Variants in XPC observed in about 807,000 individuals in gnomAD.
The protein encoded by XPC is DNA repair protein complementing XP-C cells.
A neutral mutation model predicts 95.8 loss-of-function variants in XPC; 76 were observed. The observed-to-expected ratio is 0.79, with a 90% CI of 0.66 to 0.96. XPC has a LOEUF of 0.96. Ranked by LOEUF, XPC falls within the 40% of genes least tolerant of loss-of-function variation. XPC has a pLI of 0.00. For missense variants in XPC, 1,146 were observed against 1,179.8 expected (o/e 0.97, Z 0.42); for synonymous variants, 442 against 442.1 (o/e 1.00, Z 0.00).
Position 14,178,551 on chromosome 3 carries a change from C to T in XPC, c.18G>A (p.Ala6=), listed in dbSNP as rs1696941415. The T allele has an allele frequency of 6.2e-7, 1 of 1,613,074 alleles. No individual in the cohort carries two copies. Among genetic ancestry groups the T allele is most frequent in the Admixed American group, 1.7e-5 (1 of 59,998 alleles). ...CGCGTCCCCGCGGCTCCCCGCCGGC[C>T]GCGCGTTTCCGAGCCATGTTGCTTG... MARKR[A]AGGEPRGREL... Residue 6 remains alanine, a synonymous_variant, in exon 1 of 16, where the codon GCG becomes GCA. Coordinates refer to ENST00000285021, the MANE Select transcript of XPC (RefSeq NM_004628.5).
rs1480882372 is a variant in XPC, at chr3:14,145,746, T to G, written c.*195A>C. On this transcript the variant is annotated 3_prime_UTR_variant, in exon 16 of 16. Coordinates refer to ENST00000285021, the MANE Select transcript of XPC (RefSeq NM_004628.5). ...CACCCTGGGTGAATCTGACAAGGGC[T>G]GGAGCCAGACGGGACCTGCAGCACC... The G allele has an allele frequency of 2.7e-6, 2 of 734,296 alleles. No homozygotes were observed. The highest frequency in any genetic ancestry group is 4.8e-6 in the Non-Finnish European group (2 of 416,410). The allele number at this position is 734,296 out of a possible 1,614,324, so 45.5% of individuals were successfully genotyped here.
rs766563263 is a variant in XPC, at chr3:14,172,886, T to C, written c.280A>G (p.Ser94Gly). 4 of 1,613,914 alleles carry C rather than the reference T, an allele frequency of 2.5e-6. No homozygotes were observed. Among genetic ancestry groups the C allele is most frequent in the Non-Finnish European group, 3.4e-6 (4 of 1,179,820 alleles). The change falls in exon 2 of 16, where the codon AGC (serine) becomes GGC (glycine). Residue 94 changes from serine to glycine, a missense_variant. Ser to Gly is a moderately conservative substitution (Grantham distance 56, BLOSUM62 0). Transcript: ENST00000285021. The stretch of plus-strand genomic sequence containing the variant: ...TCTCACCTGAGGTCATCCCCATCGC[T>C]GAGGGCTTCATCCTTTATAACCTTG... Reference protein sequence around the residue: ...NLKVIKDEALSDGDDLRDFPS... With the variant: ...NLKVIKDEALGDGDDLRDFPS...
chr3:14,158,276 C>T lies in XPC; in HGVS notation c.1607G>A (p.Cys536Tyr), dbSNP rs752818533. The change falls in exon 9 of 16, where the codon TGT becomes TAT. Residue 536 changes from cysteine (C) to tyrosine (Y), a missense_variant. Coordinates refer to ENST00000285021, the MANE Select transcript of XPC (RefSeq NM_004628.5). This position sits in a 1 kb window ranked among gnomAD's most constrained non-coding sequence, Gnocchi z 5.2. ...ACATACCCACTTTTCCTCCTGCTCA[C>T]AGAACACCTCTAGCCACTGGTCTAT... ...AGIDQWLEVFCEQEEKWVCVD... is the reference protein window; with the variant it reads ...AGIDQWLEVFYEQEEKWVCVD... The T allele has an allele frequency of 3.1e-6, 5 of 1,614,048 alleles. No individual in the cohort carries two copies. The Admixed American group carries it at 6.7e-5, about 22-fold the overall frequency.
chr3:14,157,555 T>C (rs1695967881), intron 9 of XPC, among the ~76,000 whole-genome samples: 2 of 152,112 alleles, frequency 1.3e-5, no homozygotes, highest in Admixed American at 6.5e-5. Flanking sequence ...CGAGACAGTA[T>C]CATGTCTGTC....
chr3:14,162,566 C>G (rs1015596687), intron 7 of XPC, among the ~76,000 whole-genome samples: 2 of 152,136 alleles, frequency 1.3e-5, no homozygotes, highest in African/African-American at 4.8e-5. Flanking sequence ...AATGCTGGGA[C>G]AAATGGATAT....
chr3:14,151,218 CAGA>C (rs1175415562), intron 11 of XPC: 3 of 152,162 alleles, frequency 2.0e-5, no homozygotes, highest in South Asian at 4.1e-4. Context: ...GTCAAATACA[CAGA>C]AGATTAGAGA....
chr3:14,146,173 A>C lies in XPC; in HGVS notation c.2605-14T>G. 6.3e-7 allele frequency: 1 copy of C among 1,597,354 alleles called. No individual in the cohort carries two copies. The highest frequency in any genetic ancestry group is 1.3e-5 in the African/African-American group (1 of 74,596). On this transcript the variant is annotated splice_polypyrimidine_tract_variant and intron_variant, in intron 15 of 15. Coordinates refer to ENST00000285021, the MANE Select transcript of XPC (RefSeq NM_004628.5). ...TGCTGCCTCACTCTGGACAGGTGGC[A>C]GTGGTGGGAGGACACAGGCGAGGGT...
intron 7 of XPC, among the ~76,000 whole-genome samples, chr3:14,163,377 T>G (rs1470739945): frequency 6.6e-6 from 1 of 152,120 alleles, no homozygotes; most frequent in Non-Finnish European, 1.5e-5. Context: ...GATAAATGGA[T>G]AGAGAAAATG....
At chr3:14,153,666 G>A (rs1406661093) in intron 10 of XPC, among the ~76,000 whole-genome samples, 8 of 152,286 alleles carry the variant, frequency 5.3e-5, no homozygotes, top group African/African-American at 1.4e-4. Context: ...GGTTCGGCAG[G>A]TTAGGTATAT....
At chr3:14,152,538 CG>C in intron 10 of XPC, 122 bp from the exon 11 acceptor site, 1 of 915,702 alleles carries the variant, frequency 1.1e-6, no homozygotes, top group Non-Finnish European at 1.6e-6. Flanking sequence ...TGGAGCAGGC[CG>C]AGCTCCTAGG....
chr3:14,154,227 A>C (rs1383074475), intron 10 of XPC, among the ~76,000 whole-genome samples: 2 of 152,186 alleles, frequency 1.3e-5, no homozygotes, highest in African/African-American at 4.8e-5. Context: ...GGAAATGGTA[A>C]GGTGGTTCCT....
rs1406137927 is a variant in XPC at position 14,170,734 on chromosome 3, G to A, written c.300-184C>T. ...CATGTGTTCCAAATCTCATCAAGATGTGCTCTGATCATCTGTCTAATTACT... is the reference window on the plus strand; with the variant it reads ...CATGTGTTCCAAATCTCATCAAGATATGCTCTGATCATCTGTCTAATTACT... On this transcript the variant is annotated intron_variant, in intron 2 of 15. Transcript: ENST00000285021. The A allele has an allele frequency of 7.6e-5, 36 of 473,022 alleles. No individual in the cohort carries two copies. In the Admixed American group the frequency reaches 1.4e-3, roughly 18 times the overall value. 29.3% of individuals were successfully genotyped at this position (473,022 alleles called of 1,614,324 possible). A position where few individuals can be genotyped will look rare whatever the true frequency, so the allele number is the denominator to read the frequency against.
chr3:14,165,033 C>T (rs1370973377), intron 6 of XPC, 100 bp from the exon 7 acceptor site: 12 of 1,473,352 alleles, frequency 8.1e-6, no homozygotes, highest in South Asian at 5.6e-5. Flanking sequence ...TCGTGAGACC[C>T]GCCTGCCTCT....
chr3:14,147,859 AGT>A, intron 14 of XPC, 47 bp downstream of exon 14: 1 of 1,521,636 alleles, frequency 6.6e-7, no homozygotes, highest in Non-Finnish European at 8.9e-7. Context: ...CCACCCGCTG[AGT>A]GTTGCTTCCC....
At chr3:14,147,249 T>A (rs1415448704) in intron 15 of XPC, 41 bp downstream of exon 15, 1 of 1,573,138 alleles carries the variant, frequency 6.4e-7, no homozygotes, top group African/African-American at 1.3e-5. Context: ...TCCAAGAAAC[T>A]GACCCTGAGC....
intron 10 of XPC, among the ~76,000 whole-genome samples, chr3:14,156,076 A>G (rs992518833): frequency 1.3e-5 from 2 of 152,042 alleles, no homozygotes; most frequent in Non-Finnish European, 2.9e-5. Flanking sequence ...ATACTGCCCT[A>G]TCTTAAATTT....
In XPC at chr3:14,145,970, A is replaced by G. The variant is rs2125004548; in HGVS notation, c.2794T>C (p.Ser932Pro). The change falls in exon 16 of 16, where the codon TCC becomes CCC. Residue 932 changes from serine (S) to proline (P), a missense_variant. Physicochemically the swap from Ser to Pro is moderately conservative, Grantham distance 74. Transcript: ENST00000285021. ...AGCTGCTCAAATGGGAACAGGTGGG[A>G]AGCTGCTGCTTTCTTTTCCCTTTTG... Reference protein sequence around the residue: ...KTKREKKAAASHLFPFEQL With the variant: ...KTKREKKAAAPHLFPFEQL 1.2e-6 allele frequency: 2 copies of G among 1,608,274 alleles called. No individual in the cohort carries two copies. Among genetic ancestry groups the G allele is most frequent in the Non-Finnish European group, 1.7e-6 (2 of 1,175,750 alleles).
chr3:14,172,983 A>G lies in XPC; in HGVS notation c.183T>C (p.Ser61=), dbSNP rs2125046073. The G allele has an allele frequency of 6.2e-7, 1 of 1,613,496 alleles. No homozygotes were observed. The highest frequency in any genetic ancestry group is 8.5e-7 in the Non-Finnish European group (1 of 1,179,694). ...GACCATCTGCTGAACCCCCAGGATG[A>G]CTGCAGCCTCTTTTCCTCTTTCCTT... The part of the protein sequence containing the change: ...VSQGKRKRGC[S]HPGGSADGPA... Residue 61 remains serine (S), a synonymous_variant, in exon 2 of 16, where the codon AGT becomes AGC. Coordinates refer to ENST00000285021, the MANE Select transcript of XPC (RefSeq NM_004628.5).
rs751588298 is a variant in XPC at position 14,168,239 on chromosome 3, G to C, written c.536+18C>G. 9 of 1,595,888 alleles carry C rather than the reference G, an allele frequency of 5.6e-6. No individual in the cohort carries two copies. The highest frequency in any genetic ancestry group is 1.1e-5 in the South Asian group (1 of 87,868). ...TACTGCATGTGACAGGAGCCTAGAA[G>C]CAAGGGCCTAAGCTTACCTTCTTTC... On this transcript the variant is annotated intron_variant, in intron 4 of 15. Coordinates refer to ENST00000285021, the MANE Select transcript of XPC (RefSeq NM_004628.5).
Sources: allele counts gnomAD v4.1 joint callset (sites outside exome capture counted in the v4.1 genomes callset), GRCh38; gene constraint gnomAD v4.1.1; non-coding constraint Gnocchi (gnomAD v3.1); transcripts MANE v1.5; gene names NCBI Gene and HGNC (gene_info 2026-07-23, HGNC 2026-07-21).